The following KLHL8 variants were observed in gnomAD, a reference collection of about 807,000 sequenced individuals.
The protein encoded by KLHL8 is kelch-like protein 8.
KLHL8 carries 38 observed loss-of-function variants against 63.5 expected under a neutral mutation model. That is an observed-to-expected ratio of 0.60 (90% confidence interval 0.46 to 0.78). The LOEUF (loss-of-function observed/expected upper bound fraction) is 0.78, where lower values mean the gene tolerates loss of function less well. Ranked by LOEUF, KLHL8 falls within the 30% of genes least tolerant of loss-of-function variation. The probability of loss-of-function intolerance (pLI) is 0.00; values close to 1 mark genes in which losing one functional copy is unlikely to be tolerated. For synonymous variants in KLHL8, 224 were observed against 254.3 expected, an observed-to-expected ratio of 0.88 and a Z score of 1.13; for missense variants, 566 against 752.4, an observed-to-expected ratio of 0.75 and a Z score of 2.90.
At chr4:87,232,981 T>C (rs1733162488) in intron 1 of KLHL8, among the ~76,000 whole-genome samples, 1 of 152,158 alleles carries the variant, frequency 6.6e-6, no homozygotes, top group African/African-American at 2.4e-5. Flanking sequence ...TTCTTCCAGT[T>C]TGTGACTTGT....
At chr4:87,214,415 G>GATAATTATATATATATATATATATATATT (rs1210785609) in intron 1 of KLHL8, among the ~76,000 whole-genome samples, 2 of 93,086 alleles carry the variant, frequency 2.1e-5, no homozygotes, top group Non-Finnish European at 4.7e-5. Context: ...GCACATAACA[G>GATAATTATATATATATATATATATATATT]ATATATATAT....
chr4:87,215,996 T>C (rs1732581026), intron 1 of KLHL8, among the ~76,000 whole-genome samples: 2 of 152,364 alleles, frequency 1.3e-5, no homozygotes, highest in Admixed American at 1.3e-4. Context: ...CTTAATTTTC[T>C]TTAACATTGG....
chr4:87,171,961 C>G (rs1287377446), intron 6 of KLHL8, among the ~76,000 whole-genome samples: 1 of 152,150 alleles, frequency 6.6e-6, no homozygotes, highest in Non-Finnish European at 1.5e-5. Context: ...TAACTTTAAT[C>G]TGAAATGAAA....
chr4:87,218,118 T>C (rs1446722118), intron 1 of KLHL8, among the ~76,000 whole-genome samples: 1 of 152,236 alleles, frequency 6.6e-6, no homozygotes, highest in Non-Finnish European at 1.5e-5. Context: ...ATTTTGGCTC[T>C]GTAGGGGTAG....
chr4:87,208,369 CTTT>C (rs1011114394), intron 1 of KLHL8, among the ~76,000 whole-genome samples: 7 of 142,208 alleles, frequency 4.9e-5, no homozygotes, highest in Non-Finnish European at 4.6e-5. Context: ...TTCTTTTTTT[CTTT>C]TTTTTTTTTT....
intron 1 of KLHL8, among the ~76,000 whole-genome samples, chr4:87,218,843 T>G (rs993466126): frequency 6.6e-6 from 1 of 152,108 alleles, no homozygotes; most frequent in African/African-American, 2.4e-5. Flanking sequence ...CAAGCCATTC[T>G]CCTGTCTTAG....
chr4:87,193,552 T>C (rs1424528152), intron 2 of KLHL8, among the ~76,000 whole-genome samples: 1 of 152,218 alleles, frequency 6.6e-6, no homozygotes, highest in Non-Finnish European at 1.5e-5. Context: ...ATGTTTCTTC[T>C]TTAGAAGTAG....
intron 8 of KLHL8, chr4:87,166,927 G>C (rs1730422760): frequency 5.8e-6 from 1 of 171,030 alleles, no homozygotes. Flanking sequence ...ATGGTGAGGA[G>C]AGTGAGGATG....
chr4:87,180,097 T>C (rs931439440), intron 4 of KLHL8, among the ~76,000 whole-genome samples: 3 of 152,176 alleles, frequency 2.0e-5, no homozygotes, highest in African/African-American at 7.2e-5. Context: ...TCTAACCCAA[T>C]CTCCTCCCCT....
intron 8 of KLHL8, among the ~76,000 whole-genome samples, chr4:87,164,442 T>C (rs1578353727): frequency 6.6e-6 from 1 of 151,938 alleles, no homozygotes; most frequent in Non-Finnish European, 1.5e-5. Flanking sequence ...AGTACTGAGA[T>C]TCCTTCTCTG....
chr4:87,184,648 A>G (rs1731181845), intron 3 of KLHL8, among the ~76,000 whole-genome samples: 1 of 152,100 alleles, frequency 6.6e-6, no homozygotes, highest in South Asian at 2.1e-4. Context: ...GGGAAGGGAG[A>G]GAAAGGAGAG....
intron 1 of KLHL8, among the ~76,000 whole-genome samples, chr4:87,209,143 A>G (rs747154767): frequency 3.9e-5 from 6 of 152,128 alleles, no homozygotes; most frequent in Non-Finnish European, 8.8e-5. Context: ...TCAAGTAAAT[A>G]TGTAATTCAA....
intron 6 of KLHL8, among the ~76,000 whole-genome samples, chr4:87,173,064 T>G (rs1351369112): frequency 1.3e-5 from 2 of 152,212 alleles, no homozygotes; most frequent in African/African-American, 4.8e-5. Context: ...ATCTTCCAAC[T>G]ACATTGGACC....
At chr4:87,167,138 C>T in intron 8 of KLHL8, 1 of 476,188 alleles carries the variant, frequency 2.1e-6, no homozygotes, top group Non-Finnish European at 4.0e-6. Context: ...GTTATTTTAT[C>T]AAGATAAAAG....
intron 4 of KLHL8, among the ~76,000 whole-genome samples, chr4:87,180,994 C>A (rs1344304216): frequency 1.3e-5 from 2 of 151,980 alleles, no homozygotes; most frequent in African/African-American, 4.8e-5. Context: ...TGTGATTGCA[C>A]CATTGCATTC....
At chr4:87,169,160 C>T (rs2149829116) in intron 8 of KLHL8, among the ~76,000 whole-genome samples, 1 of 152,134 alleles carries the variant, frequency 6.6e-6, no homozygotes, top group South Asian at 2.1e-4. Context: ...CAAAAATTAG[C>T]TGGGCACGGT....
At chr4:87,217,978 G>A (rs1197455778) in intron 1 of KLHL8, among the ~76,000 whole-genome samples, 1 of 152,064 alleles carries the variant, frequency 6.6e-6, no homozygotes, top group African/African-American at 2.4e-5. Context: ...AAAAGTTCTT[G>A]ATAAAAACAA....
intron 8 of KLHL8, among the ~76,000 whole-genome samples, chr4:87,165,011 T>C (rs565696016): frequency 1.3e-4 from 19 of 151,830 alleles, no homozygotes; most frequent in Non-Finnish European, 2.5e-4. Flanking sequence ...TAGCTGGGCA[T>C]GGTGGCGGGC....
At chr4:87,189,802 G>A (rs1731408549) in intron 2 of KLHL8, among the ~76,000 whole-genome samples, 1 of 151,814 alleles carries the variant, frequency 6.6e-6, no homozygotes, top group Non-Finnish European at 1.5e-5. Flanking sequence ...CACCGAGGAG[G>A]GCGGATCAGG....
Sources: gnomAD v4.1 joint callset for allele counts (sites outside exome capture counted in the v4.1 genomes callset) on GRCh38, gnomAD v4.1.1 for gene constraint, MANE v1.5 for transcripts, NCBI Gene and HGNC (gene_info 2026-07-23, HGNC 2026-07-21) for gene names.